The following NSMCE2 variants were observed in gnomAD, a reference collection of about 807,000 sequenced individuals.
NSMCE2 encodes NSE2 SUMO ligase component of SMC5/6 complex, also known as E3 SUMO-protein ligase NSE2.
NSMCE2 carries 24 observed loss-of-function variants against 23.8 expected under a neutral mutation model. That is an observed-to-expected ratio of 1.01 (90% CI 0.73 to 1.42). The LOEUF (loss-of-function observed/expected upper bound fraction) is 1.42, where lower values mean the gene tolerates loss of function less well. Among genes scored for constraint, NSMCE2 ranks in the 40% most tolerant of loss-of-function variants. The pLI is 0.00. For missense variants in NSMCE2, 284 were observed against 296.5 expected, an observed-to-expected ratio of 0.96 and a Z score of 0.31; for synonymous variants, 92 against 94.1, an observed-to-expected ratio of 0.98 and a Z score of 0.13.
At chr8:125,175,146 G>A (rs1822419628) in intron 4 of NSMCE2, among the ~76,000 whole-genome samples, 1 of 152,092 alleles carries the variant, frequency 6.6e-6, no homozygotes, top group South Asian at 2.1e-4. Flanking sequence ...CTATATAAAG[G>A]TGGAGACAGT....
intron 4 of NSMCE2, among the ~76,000 whole-genome samples, chr8:125,159,306 CAA>C (rs1821480681): frequency 6.6e-6 from 1 of 152,126 alleles, no homozygotes. Context: ...AACCACATAA[CAA>C]TATTTCAGTT....
chr8:125,117,226 A>AT (rs927749699), intron 3 of NSMCE2, among the ~76,000 whole-genome samples: 10 of 145,892 alleles, frequency 6.9e-5, no homozygotes, highest in East Asian at 6.2e-4. Flanking sequence ...TTGGCTTTTT[A>AT]TTTTTTTTTC....
At chr8:125,343,847 T>TA (rs796542918) in intron 5 of NSMCE2, among the ~76,000 whole-genome samples, 75 of 148,208 alleles carry the variant, frequency 5.1e-4, no homozygotes, top group Middle Eastern at 3.8e-3. Flanking sequence ...ATAAGAAAAA[T>TA]AAAAAAAAAT....
At chr8:125,103,547 A>G (rs956723865) in intron 3 of NSMCE2, among the ~76,000 whole-genome samples, 13 of 151,902 alleles carry the variant, frequency 8.6e-5, no homozygotes, top group Non-Finnish European at 1.9e-4. Flanking sequence ...TTCTGCTACT[A>G]TTTCTTCAAA....
chr8:125,104,353 G>A (rs1411549504), intron 3 of NSMCE2, among the ~76,000 whole-genome samples: 1 of 152,138 alleles, frequency 6.6e-6, no homozygotes, highest in African/African-American at 2.4e-5. Flanking sequence ...TGTGGATTAG[G>A]CTGATCCTTT....
intron 5 of NSMCE2, among the ~76,000 whole-genome samples, chr8:125,246,320 A>T (rs916334881): frequency 7.3e-5 from 11 of 151,600 alleles, no homozygotes. Context: ...AGTAGCTGGG[A>T]TTACAGGCAT....
intron 3 of NSMCE2, among the ~76,000 whole-genome samples, chr8:125,142,579 A>G (rs1383093070): frequency 6.6e-6 from 1 of 150,960 alleles, no homozygotes; most frequent in Non-Finnish European, 1.5e-5. Context: ...TATGATTTCT[A>G]GTGGGCGGCA....
At chr8:125,262,288 G>A (rs1197329091) in intron 5 of NSMCE2, among the ~76,000 whole-genome samples, 1 of 151,984 alleles carries the variant, frequency 6.6e-6, no homozygotes, top group Non-Finnish European at 1.5e-5. Context: ...AGCCGGGCGT[G>A]GTGGCAGGTG....
intron 5 of NSMCE2, among the ~76,000 whole-genome samples, chr8:125,313,146 AGAAG>A (rs1229004391): frequency 3.3e-5 from 5 of 150,772 alleles, no homozygotes; most frequent in African/African-American, 4.9e-5. Flanking sequence ...GGAGAAAGAA[AGAAG>A]GAAGGAAGGA....
intron 5 of NSMCE2, among the ~76,000 whole-genome samples, chr8:125,342,982 T>C (rs1258286483): frequency 6.6e-6 from 1 of 152,212 alleles, no homozygotes; most frequent in Non-Finnish European, 1.5e-5. Flanking sequence ...CTCCTGACTT[T>C]TTTTTTAAAC....
intron 5 of NSMCE2, among the ~76,000 whole-genome samples, chr8:125,249,291 A>G (rs777152982): frequency 1.2e-4 from 19 of 152,228 alleles, no homozygotes; most frequent in Non-Finnish European, 1.9e-4. Context: ...AGGTTCCTTA[A>G]GATGAATTCA....
chr8:125,215,010 C>G (rs1353589465), intron 5 of NSMCE2, among the ~76,000 whole-genome samples: 2 of 147,476 alleles, frequency 1.4e-5, no homozygotes, highest in Non-Finnish European at 3.0e-5. Context: ...CTTTGGTAAC[C>G]ACTTTATTTT....
At chr8:125,234,012 T>TAAAAAAAAAAA (rs34763403) in intron 5 of NSMCE2, among the ~76,000 whole-genome samples, 5 of 102,178 alleles carry the variant, frequency 4.9e-5, no homozygotes, top group African/African-American at 1.9e-4. Context: ...CTGTCTCTAC[T>TAAAAAAAAAAA]AAAAAAAAAA....
chr8:125,362,920 C>T (rs965349574), intron 7 of NSMCE2: 1 of 152,272 alleles, frequency 6.6e-6, no homozygotes, highest in African/African-American at 2.4e-5. Context: ...CTGACTAAAA[C>T]CATGATGTCA....
chr8:125,121,537 T>C (rs971253173), intron 3 of NSMCE2, among the ~76,000 whole-genome samples: 4 of 152,332 alleles, frequency 2.6e-5, no homozygotes, highest in African/African-American at 9.6e-5. Flanking sequence ...GAGAACTACA[T>C]GGTAGTAAGT....
At chr8:125,105,370 A>G (rs181388737) in intron 3 of NSMCE2, among the ~76,000 whole-genome samples, 3 of 152,348 alleles carry the variant, frequency 2.0e-5, no homozygotes, top group East Asian at 1.9e-4. Flanking sequence ...ATCTTAAACC[A>G]TAAGAGAGAA....
At chr8:125,152,163 C>A (rs562357672) in intron 4 of NSMCE2, among the ~76,000 whole-genome samples, 128 of 152,194 alleles carry the variant, frequency 8.4e-4, no homozygotes, top group South Asian at 1.9e-3. Context: ...TAGTATTTGA[C>A]TAACTTTAAG....
chr8:125,300,764 G>T (rs1332467383), intron 5 of NSMCE2, among the ~76,000 whole-genome samples: 1 of 152,138 alleles, frequency 6.6e-6, no homozygotes, highest in Non-Finnish European at 1.5e-5. Context: ...GCCTGATGTA[G>T]CCTGGGGAGA....
At chr8:125,193,834 T>C (rs1247216356) in intron 5 of NSMCE2, among the ~76,000 whole-genome samples, 1 of 152,232 alleles carries the variant, frequency 6.6e-6, no homozygotes, top group Non-Finnish European at 1.5e-5. Context: ...ACTGAGACAG[T>C]CTGGTGGACA....
Sources: allele counts gnomAD v4.1 joint callset (sites outside exome capture counted in the v4.1 genomes callset), GRCh38; gene constraint gnomAD v4.1.1; transcripts MANE v1.5; gene names NCBI Gene and HGNC (gene_info 2026-07-23, HGNC 2026-07-21).